The following IGF1R variants were observed in gnomAD, a reference collection of about 807,000 sequenced individuals.
The protein encoded by IGF1R is insulin-like growth factor 1 receptor.
IGF1R carries 44 observed loss-of-function variants against 144.6 expected under a neutral mutation model. The ratio of observed to expected loss-of-function variants is 0.30; its 90% CI spans 0.24 to 0.39. The LOEUF (loss-of-function observed/expected upper bound fraction) is 0.39. Among genes scored for constraint, IGF1R ranks in the 10% least tolerant of loss-of-function variants. The pLI, the probability that IGF1R is intolerant of heterozygous loss-of-function variation, is 1.00. For missense variants in IGF1R, 1,355 were observed against 1,833.7 expected, an observed-to-expected ratio of 0.74 and a Z score of 4.77; for synonymous variants, 795 against 722.8, an observed-to-expected ratio of 1.10 and a Z score of -1.60.
intron 2 of IGF1R, chr15:98,890,343 C>T (rs2013844333): frequency 6.6e-6 from 1 of 152,238 alleles, no homozygotes; most frequent in South Asian, 2.1e-4. Context: ...CGCAAACCCA[C>T]CAAAACCAAG....
chr15:98,846,622 T>G (rs2011338092), intron 2 of IGF1R, among the ~76,000 whole-genome samples: 2 of 152,166 alleles, frequency 1.3e-5, no homozygotes, highest in South Asian at 4.1e-4. Context: ...CACACTGGTC[T>G]TCTCAGGGGT....
chr15:98,933,790 C>T (rs1458336751), intron 15 of IGF1R, among the ~76,000 whole-genome samples: 5 of 151,984 alleles, frequency 3.3e-5, no homozygotes, highest in Non-Finnish European at 5.9e-5. Context: ...CGCCTCTGCC[C>T]GTCCGCTGCC....
rs541507431 is a variant in IGF1R, at chr15:98,841,248, A to G, written c.641-50077A>G. 5.9e-5 allele frequency among the ~76,000 whole-genome samples: 9 copies of G among 152,314 alleles called. 1 individual carries two copies. In the South Asian group the frequency reaches 1.7e-3, roughly 28 times the overall value. ...TGCTGATGAGACTCCAACTAACTCC[A>G]TGGAGATGAGCTACAAAAAAAAATA... On this transcript the variant is annotated intron_variant, in intron 2 of 20. Transcript: ENST00000650285.
intron 2 of IGF1R, among the ~76,000 whole-genome samples, chr15:98,807,295 T>G (rs568977615): frequency 7.9e-4 from 121 of 152,366 alleles, no homozygotes; most frequent in Non-Finnish European, 1.4e-3. Context: ...TATGAATAGA[T>G]GAACCAGATC....
At chr15:98,743,900 T>C (rs2054804965) in intron 2 of IGF1R, among the ~76,000 whole-genome samples, 1 of 152,084 alleles carries the variant, frequency 6.6e-6, no homozygotes, top group South Asian at 2.1e-4. Context: ...GGTGGGCTTG[T>C]GAGCAGGATA....
intron 2 of IGF1R, among the ~76,000 whole-genome samples, chr15:98,714,587 A>T (rs2054070859): frequency 6.6e-6 from 1 of 152,062 alleles, no homozygotes; most frequent in South Asian, 2.1e-4. Flanking sequence ...GATGGAGGTT[A>T]CAGTGAGCCG....
chr15:98,821,190 A>T (rs554164828), intron 2 of IGF1R, among the ~76,000 whole-genome samples: 23 of 152,274 alleles, frequency 1.5e-4, no homozygotes, highest in Middle Eastern at 3.4e-3. Context: ...TTCTGGTGTG[A>T]GACGCGCTAC....
At chr15:98,653,081 A>G (rs550302567) in intron 1 of IGF1R, among the ~76,000 whole-genome samples, 1 of 152,200 alleles carries the variant, frequency 6.6e-6, no homozygotes, top group South Asian at 2.1e-4. Context: ...GAGTTGCAGC[A>G]ATACAACAAA....
At chr15:98,728,240 C>T (rs2141291988) in intron 2 of IGF1R, among the ~76,000 whole-genome samples, 1 of 152,216 alleles carries the variant, frequency 6.6e-6, no homozygotes, top group African/African-American at 2.4e-5. Flanking sequence ...TAGGAGAAAT[C>T]ACGCCTGTTG....
intron 5 of IGF1R, among the ~76,000 whole-genome samples, chr15:98,908,236 T>A (rs1469562464): frequency 6.6e-6 from 1 of 152,248 alleles, no homozygotes; most frequent in African/African-American, 2.4e-5. Context: ...CCCATCATGC[T>A]GCTGATTGGG....
At chr15:98,786,650 T>G (rs1022824992) in intron 2 of IGF1R, among the ~76,000 whole-genome samples, 4 of 152,164 alleles carry the variant, frequency 2.6e-5, no homozygotes, top group Non-Finnish European at 5.9e-5. Context: ...ACTGTCTTTT[T>G]TTGTTGTTGT....
At chr15:98,941,882 T>G (rs1267193346) in intron 18 of IGF1R, among the ~76,000 whole-genome samples, 5 of 152,186 alleles carry the variant, frequency 3.3e-5, no homozygotes, top group African/African-American at 4.8e-5. Flanking sequence ...AAGAGTCCAC[T>G]TAAGAAAAGG....
chr15:98,683,920 T>TGTGA (rs2053255394), intron 1 of IGF1R, among the ~76,000 whole-genome samples: 1 of 152,154 alleles, frequency 6.6e-6, no homozygotes, highest in African/African-American at 2.4e-5. Context: ...CGTAATGAAA[T>TGTGA]GTGAGTGTCC....
intron 13 of IGF1R, among the ~76,000 whole-genome samples, chr15:98,926,534 T>A (rs1428682372): frequency 1.4e-5 from 2 of 146,534 alleles, no homozygotes; most frequent in Non-Finnish European, 3.1e-5. Flanking sequence ...TGTATGCATA[T>A]TTCAAAACAA....
At chr15:98,888,438 A>AGAGAGAGT (rs1555457179) in intron 2 of IGF1R, among the ~76,000 whole-genome samples, 227 of 143,454 alleles carry the variant, frequency 1.6e-3, no homozygotes, top group Admixed American at 4.2e-3. Context: ...AGAGAGAGAG[A>AGAGAGAGT]GTGTGTGTGT....
Position 98,963,540 on chromosome 15 carries a change from CATCTGGCTTGATTG to C in IGF1R, c.*6099_*6112del. On this transcript the variant is annotated 3_prime_UTR_variant, in exon 21 of 21. Transcript: ENST00000650285. ...CCCAGCAGTGCATGGCACCGTTCGG[CATCTGGCTTGATTG>C]GTCTGGCTGCCGTCATTGTCAGCAC... 4.3e-6 allele frequency: 1 copy of C among 233,240 alleles called. No homozygotes were observed. 14.4% of individuals were successfully genotyped at this position (233,240 alleles called of 1,614,324 possible).
At chr15:98,729,804 G>A (rs1251024802) in intron 2 of IGF1R, among the ~76,000 whole-genome samples, 3 of 152,138 alleles carry the variant, frequency 2.0e-5, no homozygotes, top group East Asian at 1.9e-4. Context: ...TTGGCACGAT[G>A]TGTGTGAGTG....
intron 1 of IGF1R, among the ~76,000 whole-genome samples, chr15:98,688,369 G>A (rs1413222440): frequency 1.2e-4 from 12 of 97,988 alleles, no homozygotes; most frequent in Middle Eastern, 0.015. Context: ...TCTCTCCCCC[G>A]CTCCCAACTT....
chr15:98,832,462 G>C (rs930442194), intron 2 of IGF1R, among the ~76,000 whole-genome samples: 2 of 152,212 alleles, frequency 1.3e-5, no homozygotes, highest in African/African-American at 4.8e-5. Context: ...TTACCCCTGA[G>C]ATGTGTAACC....
Sources: gnomAD v4.1 joint callset for allele counts (sites outside exome capture counted in the v4.1 genomes callset) on GRCh38, gnomAD v4.1.1 for gene constraint, MANE v1.5 for transcripts, NCBI Gene and HGNC (gene_info 2026-07-23, HGNC 2026-07-21) for gene names.